PTGER3: variants seen among roughly 807,000 people sequenced by gnomAD.
PTGER3 encodes prostaglandin E receptor 3, also known as prostaglandin E2 receptor EP3 subtype.
PTGER3 carries 22 observed loss-of-function variants against 34.7 expected under a neutral mutation model. The ratio of observed to expected loss-of-function variants is 0.63; its 90% confidence interval spans 0.45 to 0.91. The LOEUF is 0.91. PTGER3 is among the 40% of genes least tolerant of loss of function. PTGER3 has a pLI of 0.00. For missense variants in PTGER3, 468 were observed against 519.4 expected (o/e 0.90, Z 0.96); for synonymous variants, 241 against 230.1 (o/e 1.05, Z -0.43).
At chr1:70,966,063 T>G (rs1428915992), downstream of PTGER3, among the ~76,000 whole-genome samples, 1 of 152,212 alleles carries the variant, frequency 6.6e-6, no homozygotes, top group Non-Finnish European at 1.5e-5. Context: ...ATTATTCACT[T>G]ACTAAGGCTC....
intron 4 of PTGER3, chr1:70,865,560 G>T (rs746304548): frequency 3.5e-6 from 4 of 1,144,086 alleles, no homozygotes; most frequent in Non-Finnish European, 4.6e-6. Flanking sequence ...ATAAAATCAG[G>T]CCACAAAAAG....
At chr1:71,031,292 A>T (rs1659396619) in intron 1 of PTGER3, among the ~76,000 whole-genome samples, 1 of 152,066 alleles carries the variant, frequency 6.6e-6, no homozygotes, top group South Asian at 2.1e-4. Context: ...ACAAACGTGC[A>T]CACACGCACA....
chr1:70,942,307 C>T lies in PTGER3; in HGVS notation c.*23+11456G>A, dbSNP rs1038846709. Among the ~76,000 whole-genome samples, 4 of 152,158 alleles carry T rather than the reference C, an allele frequency of 2.6e-5. No homozygotes were observed. In the East Asian group the frequency reaches 7.7e-4, roughly 29 times the overall value. On this transcript the variant is annotated intron_variant, in intron 4 of 4. Transcript: ENST00000370931. ...CCTGTAGCACCAACCCTGAACTATT[C>T]CTTGAAGGAGAAATAAACTTGTGTT...
chr1:70,973,695 G>GA (rs532864681), intron 3 of PTGER3, among the ~76,000 whole-genome samples: 68 of 152,072 alleles, frequency 4.5e-4, no homozygotes, highest in African/African-American at 1.5e-3. Flanking sequence ...TTCTTAAAAA[G>GA]AAAAAAATCA....
At chr1:70,967,798 T>C (rs1652683640), downstream of PTGER3, among the ~76,000 whole-genome samples, 1 of 152,220 alleles carries the variant, frequency 6.6e-6, no homozygotes, top group South Asian at 2.1e-4. Context: ...TCATTATTTA[T>C]TTAATTTTTG....
intron 4 of PTGER3, among the ~76,000 whole-genome samples, chr1:70,906,217 C>T (rs2100364136): frequency 6.6e-6 from 1 of 152,280 alleles, no homozygotes; most frequent in South Asian, 2.1e-4. Flanking sequence ...AGGTGTTTAT[C>T]AGCAGCGTGA....
chr1:70,869,978 T>G (rs1471376707), intron 4 of PTGER3, among the ~76,000 whole-genome samples: 3 of 152,190 alleles, frequency 2.0e-5, no homozygotes, highest in African/African-American at 7.2e-5. Flanking sequence ...GGGGATTCTG[T>G]GTGGGGACTC....
chr1:70,918,552 A>G (rs17542063), intron 4 of PTGER3, among the ~76,000 whole-genome samples: 13,124 of 152,110 alleles, frequency 0.086, 765 homozygotes, highest in Non-Finnish European at 0.13. Flanking sequence ...AATCAAGGCA[A>G]TGATCATTCC....
intron 4 of PTGER3, among the ~76,000 whole-genome samples, chr1:70,880,444 C>T (rs1373326822): frequency 6.6e-6 from 1 of 150,640 alleles, no homozygotes; most frequent in Non-Finnish European, 1.5e-5. Flanking sequence ...AACCCTAGCA[C>T]TTTAGGAGGC....
chr1:70,908,929 A>G (rs190658325), intron 4 of PTGER3, among the ~76,000 whole-genome samples: 1 of 152,352 alleles, frequency 6.6e-6, no homozygotes, highest in East Asian at 1.9e-4. Context: ...TGAGGCATAC[A>G]GAGGTTGACC....
chr1:70,957,514 G>A (rs1651468808), intron 2 of PTGER3, among the ~76,000 whole-genome samples: 1 of 151,936 alleles, frequency 6.6e-6, no homozygotes, highest in Admixed American at 6.6e-5. Context: ...ATAATACAGG[G>A]TCAGAAATCT....
intron 2 of PTGER3, among the ~76,000 whole-genome samples, chr1:70,977,109 T>C (rs1204690943): frequency 6.6e-6 from 1 of 152,160 alleles, no homozygotes; most frequent in Non-Finnish European, 1.5e-5. Context: ...TTTAACTGCG[T>C]ATTTGGAGGG....
At chr1:71,033,155 T>C (rs1275704196) in intron 1 of PTGER3, among the ~76,000 whole-genome samples, 2 of 152,182 alleles carry the variant, frequency 1.3e-5, no homozygotes, top group South Asian at 2.1e-4. Flanking sequence ...GAAAGCCATA[T>C]GTAGATAGCT....
At chr1:71,032,344 C>A (rs909914008) in intron 1 of PTGER3, among the ~76,000 whole-genome samples, 4 of 152,156 alleles carry the variant, frequency 2.6e-5, no homozygotes, top group Admixed American at 6.5e-5. Context: ...TTTGAAAATG[C>A]AACTTTGTCA....
chr1:70,950,918 G>C (rs745328438), downstream of PTGER3: 9 of 152,096 alleles, frequency 5.9e-5, no homozygotes, highest in Non-Finnish European at 1.2e-4. Context: ...GTTTCACCAT[G>C]TTGACCAGGC....
chr1:70,975,740 A>G (rs1384115762), intron 2 of PTGER3, among the ~76,000 whole-genome samples: 1 of 152,210 alleles, frequency 6.6e-6, no homozygotes, highest in Non-Finnish European at 1.5e-5. Flanking sequence ...CACAGCAAAC[A>G]GAAAAAGTTT....
At chr1:70,963,741 A>C (rs1309681740) in intron 2 of PTGER3, among the ~76,000 whole-genome samples, 2 of 152,160 alleles carry the variant, frequency 1.3e-5, no homozygotes, top group African/African-American at 4.8e-5. Flanking sequence ...GAAGGTCTCC[A>C]ACATGCCCTG....
chr1:70,868,102 C>T (rs181709507), intron 4 of PTGER3, among the ~76,000 whole-genome samples: 49 of 152,062 alleles, frequency 3.2e-4, no homozygotes, highest in Admixed American at 2.9e-3. Flanking sequence ...GTTGTATATC[C>T]CAGGCTTTTG....
chr1:70,888,210 G>A (rs1646539388), intron 4 of PTGER3, among the ~76,000 whole-genome samples: 1 of 152,074 alleles, frequency 6.6e-6, no homozygotes, highest in Non-Finnish European at 1.5e-5. Flanking sequence ...AATCGTGAAG[G>A]GGCATCAAAG....
Sources: allele counts gnomAD v4.1 joint callset (sites outside exome capture counted in the v4.1 genomes callset), GRCh38; gene constraint gnomAD v4.1.1; transcripts MANE v1.5; gene names NCBI Gene and HGNC (gene_info 2026-07-23, HGNC 2026-07-21).